Variants in FRAS1 observed in about 807,000 individuals in gnomAD.
The protein encoded by FRAS1 is Fraser extracellular matrix complex subunit 1.
In FRAS1, 290 loss-of-function variants were observed where a neutral mutation model predicts 435.2. The observed-to-expected ratio is 0.67, with a 90% CI of 0.61 to 0.73. FRAS1 has a LOEUF of 0.73. FRAS1 is among the 30% of genes least tolerant of loss of function. FRAS1 has a pLI of 0.00. For synonymous variants in FRAS1, 1,800 were observed against 1,851.0 expected (o/e 0.97, Z 0.71); for missense variants, 4,860 against 5,001.5 (o/e 0.97, Z 0.85).
chr4:78,433,002 A>G (rs1383218457), intron 38 of FRAS1, among the ~76,000 whole-genome samples: 1 of 152,208 alleles, frequency 6.6e-6, no homozygotes, highest in East Asian at 1.9e-4. Flanking sequence ...AGCCCCTGAG[A>G]GAAAGCCCAC....
intron 56 of FRAS1, 135 bp downstream of exon 56, chr4:78,479,853 C>A: frequency 1.6e-6 from 1 of 628,682 alleles, no homozygotes; most frequent in Non-Finnish European, 2.6e-6. Flanking sequence ...TGGTCTAAGG[C>A]ACTATATAAT....
chr4:78,195,648 C>T (rs186756451), intron 2 of FRAS1, among the ~76,000 whole-genome samples: 8 of 152,280 alleles, frequency 5.3e-5, no homozygotes, highest in Admixed American at 3.3e-4. Context: ...GGGAGTGACC[C>T]GATTTTCCAG....
chr4:78,515,731 T>C, intron 65 of FRAS1, 68 bp from the exon 66 acceptor site: 1 of 1,453,592 alleles, frequency 6.9e-7, no homozygotes, highest in South Asian at 1.2e-5. Context: ...GGGTGAGCTC[T>C]TCACCCCACC....
intron 20 of FRAS1, among the ~76,000 whole-genome samples, chr4:78,343,377 C>A (rs1017240983): frequency 6.6e-6 from 1 of 152,070 alleles, no homozygotes; most frequent in Admixed American, 6.6e-5. Context: ...AAAAGAAAAT[C>A]ATGAACCTGT....
chr4:78,272,182 T>C (rs901553810), intron 9 of FRAS1, among the ~76,000 whole-genome samples: 2 of 152,206 alleles, frequency 1.3e-5, no homozygotes, highest in African/African-American at 2.4e-5. Flanking sequence ...TGTAAATTTG[T>C]TTGAGTTCTA....
At position 78,284,608 on chromosome 4, in the gene FRAS1, G is replaced by T. The variant is rs564319564; in HGVS notation, c.1399+60G>T. ...TGTGTGGGAGATAGACTCATCAAAG[G>T]TTGTGATTCTTAAACTGAGGCTCAG... On this transcript the variant is annotated intron_variant, in intron 13 of 73. Transcript: ENST00000512123. 1.9e-4 allele frequency: 280 copies of T among 1,477,094 alleles called. No individual in the cohort carries two copies. In the African/African-American group the frequency reaches 3.7e-3, roughly 19 times the overall value. 91.5% of individuals were successfully genotyped at this position (1,477,094 alleles called of 1,614,324 possible).
chr4:78,491,829 C>T (rs540733377), intron 59 of FRAS1, among the ~76,000 whole-genome samples: 10 of 152,080 alleles, frequency 6.6e-5, no homozygotes, highest in South Asian at 6.2e-4. Flanking sequence ...AAGAAATAAA[C>T]GTTTATTCAA....
At chr4:78,406,833 C>T (rs1471069700) in intron 30 of FRAS1, among the ~76,000 whole-genome samples, 1 of 152,208 alleles carries the variant, frequency 6.6e-6, no homozygotes, top group Non-Finnish European at 1.5e-5. Context: ...ATGTCTTCCA[C>T]TGTTAGCTAT....
At position 78,400,820 on chromosome 4, in the gene FRAS1, G is replaced by T; in HGVS notation, c.4062G>T (p.Gln1354His). Reference sequence around the variant, plus strand: ...TGCAGATCACCAACAGAATCTTACAGGCCGAGGCTCCTGGTGCCAGTGCTG... The same window carrying T: ...TGCAGATCACCAACAGAATCTTACATGCCGAGGCTCCTGGTGCCAGTGCTG... ...GMLQITNRIL[Q>H]AEAPGASAEE... Residue 1354 changes from glutamine (Q) to histidine (H), a missense_variant, in exon 30 of 74, where the codon CAG becomes CAT. Coordinates refer to ENST00000512123, the MANE Select transcript of FRAS1 (RefSeq NM_025074.7). 1 of 1,613,738 alleles carries T rather than the reference G, an allele frequency of 6.2e-7. No homozygotes were observed. Among genetic ancestry groups the T allele is most frequent in the Non-Finnish European group, 8.5e-7 (1 of 1,179,796 alleles).
chr4:78,275,988 T>C (rs933368850), intron 9 of FRAS1, among the ~76,000 whole-genome samples: 20 of 152,220 alleles, frequency 1.3e-4, no homozygotes, highest in Non-Finnish European at 2.8e-4. Context: ...ACATAGTCCC[T>C]TATTTCTTGG....
intron 47 of FRAS1, among the ~76,000 whole-genome samples, chr4:78,463,256 G>A (rs1282380922): frequency 1.3e-5 from 2 of 152,092 alleles, no homozygotes; most frequent in Non-Finnish European, 2.9e-5. Flanking sequence ...GTTTACCATT[G>A]TTTAAAATTT....
chr4:78,457,830 G>T (rs1449214614), intron 47 of FRAS1, among the ~76,000 whole-genome samples: 1 of 152,104 alleles, frequency 6.6e-6, no homozygotes, highest in African/African-American at 2.4e-5. Flanking sequence ...CTAAATTAAA[G>T]CTCCAAAAAA....
At chr4:78,465,275 C>T (rs1719491871) in intron 49 of FRAS1, among the ~76,000 whole-genome samples, 1 of 152,174 alleles carries the variant, frequency 6.6e-6, no homozygotes, top group South Asian at 2.1e-4. Flanking sequence ...TGTAACAAAA[C>T]AGATAAATTT....
chr4:78,090,786 G>T (rs1232016581), intron 2 of FRAS1, among the ~76,000 whole-genome samples: 1 of 152,148 alleles, frequency 6.6e-6, no homozygotes, highest in African/African-American at 2.4e-5. Context: ...TAGAAAGGCT[G>T]TCATTGCACA....
At chr4:78,444,012 C>A in intron 41 of FRAS1, 1 of 348,562 alleles carries the variant, frequency 2.9e-6, no homozygotes. Context: ...TCATGCCTGG[C>A]AAATTTTTGG....
intron 22 of FRAS1, among the ~76,000 whole-genome samples, chr4:78,369,533 C>T (rs1731415822): frequency 6.6e-6 from 1 of 152,196 alleles, no homozygotes; most frequent in East Asian, 1.9e-4. Context: ...AAGTTCTGAA[C>T]TATAATTCCA....
At chr4:78,092,121 G>A (rs1447221973) in intron 2 of FRAS1, among the ~76,000 whole-genome samples, 2 of 152,118 alleles carry the variant, frequency 1.3e-5, no homozygotes, top group East Asian at 1.9e-4. Flanking sequence ...GTGTTTTGGT[G>A]GTGAGAAGTG....
At chr4:78,325,091 C>A (rs968799221) in intron 18 of FRAS1, among the ~76,000 whole-genome samples, 1 of 152,090 alleles carries the variant, frequency 6.6e-6, no homozygotes, top group Non-Finnish European at 1.5e-5. Flanking sequence ...TAATAAACAT[C>A]CCAGCAGTCC....
chr4:78,460,534 G>A (rs141863987), intron 47 of FRAS1, among the ~76,000 whole-genome samples: 2 of 152,214 alleles, frequency 1.3e-5, no homozygotes, highest in African/African-American at 4.8e-5. Flanking sequence ...ATAAAAAGTG[G>A]ATGATGATTG....
Sources: gnomAD v4.1 joint callset for allele counts (sites outside exome capture counted in the v4.1 genomes callset) on GRCh38, gnomAD v4.1.1 for gene constraint, MANE v1.5 for transcripts, NCBI Gene and HGNC (gene_info 2026-07-23, HGNC 2026-07-21) for gene names.